CNTN5: variants seen among roughly 807,000 people sequenced by gnomAD.
CNTN5 encodes contactin-5.
In CNTN5, 77 loss-of-function variants were observed where a neutral mutation model predicts 129.1. The ratio of observed to expected loss-of-function variants is 0.60; its 90% confidence interval spans 0.50 to 0.72. CNTN5 has a LOEUF of 0.72. CNTN5 is among the 30% of genes least tolerant of loss of function. The probability of loss-of-function intolerance (pLI) is 0.00; values close to 1 mark genes in which losing one functional copy is unlikely to be tolerated. For missense variants in CNTN5, 1,478 were observed against 1,328.8 expected, an observed-to-expected ratio of 1.11 and a Z score of -1.75; for synonymous variants, 509 against 465.6, an observed-to-expected ratio of 1.09 and a Z score of -1.20.
rs773455557 is a variant in CNTN5, at chr11:99,916,084, G to T, written c.608G>T (p.Ser203Ile). ...YLGNFSGRTR[S>I]AVSVREGQGV... ...GGAAATTTTAGTGGCCGGACAAGAA[G>T]TGCAGTCTCTGTGAGGGAAGGCCAG... Residue 203 changes from serine to isoleucine, a missense_variant, in exon 7 of 25, where the codon AGT becomes ATT. Coordinates refer to ENST00000524871, the MANE Select transcript of CNTN5 (RefSeq NM_014361.4). The T allele has an allele frequency of 6.2e-7, 1 of 1,612,446 alleles. No individual in the cohort carries two copies. The highest frequency in any genetic ancestry group is 1.1e-5 in the South Asian group (1 of 90,870).
chr11:100,328,081 T>C (rs555485900), intron 21 of CNTN5, among the ~76,000 whole-genome samples: 1 of 152,162 alleles, frequency 6.6e-6, no homozygotes, highest in African/African-American at 2.4e-5. Context: ...CCAGGCATGA[T>C]AGCTCACACC....
intron 3 of CNTN5, among the ~76,000 whole-genome samples, chr11:99,813,870 C>G (rs937388397): frequency 5.3e-5 from 8 of 151,964 alleles, no homozygotes; most frequent in African/African-American, 1.9e-4. Flanking sequence ...TAATTTTTAT[C>G]TTTAAAGAGA....
chr11:100,074,675 T>C (rs1396196198), intron 13 of CNTN5, among the ~76,000 whole-genome samples: 1 of 152,218 alleles, frequency 6.6e-6, no homozygotes, highest in Non-Finnish European at 1.5e-5. Context: ...AAAACATATG[T>C]GAATCTTCTG....
intron 1 of CNTN5, among the ~76,000 whole-genome samples, chr11:99,282,838 G>T (rs117442426): frequency 6.6e-6 from 1 of 152,056 alleles, no homozygotes; most frequent in Admixed American, 6.6e-5. Flanking sequence ...AGTAATGTCA[G>T]ACCTGGGAGT....
chr11:99,088,851 G>T (rs1225361228), intron 1 of CNTN5, among the ~76,000 whole-genome samples: 1 of 152,142 alleles, frequency 6.6e-6, no homozygotes, highest in Non-Finnish European at 1.5e-5. Context: ...TTTTGCTTAA[G>T]TAAGGAAATC....
chr11:99,957,388 G>C (rs10894188), intron 8 of CNTN5, among the ~76,000 whole-genome samples: 36,395 of 151,950 alleles, frequency 0.24, 6,427 homozygotes, highest in African/African-American at 0.5. Context: ...TTTTATTTTA[G>C]CTGCCTTCAA....
intron 6 of CNTN5, among the ~76,000 whole-genome samples, chr11:99,846,228 G>A (rs1008912229): frequency 1.3e-5 from 2 of 151,276 alleles, no homozygotes; most frequent in African/African-American, 4.9e-5. Context: ...TGAGGCAGCA[G>A]GTGCCTGTAG....
intron 2 of CNTN5, among the ~76,000 whole-genome samples, chr11:99,380,314 TTTTA>T (rs1353425653): frequency 6.6e-5 from 10 of 152,174 alleles, no homozygotes; most frequent in Admixed American, 2.0e-4. Flanking sequence ...TTATTTACAG[TTTTA>T]TTTAACTGCC....
chr11:99,547,774 T>C (rs1443822232), intron 2 of CNTN5, among the ~76,000 whole-genome samples: 1 of 152,214 alleles, frequency 6.6e-6, no homozygotes, highest in Non-Finnish European at 1.5e-5. Flanking sequence ...AGGATATGAT[T>C]ATTATTGATT....
intron 1 of CNTN5, among the ~76,000 whole-genome samples, chr11:99,079,366 A>C (rs767367643): frequency 2.6e-5 from 4 of 152,168 alleles, no homozygotes; most frequent in Non-Finnish European, 5.9e-5. Flanking sequence ...AAAGAAATGG[A>C]ATTCCTGCCA....
At chr11:99,800,879 T>C (rs1384694097) in intron 3 of CNTN5, among the ~76,000 whole-genome samples, 1 of 152,126 alleles carries the variant, frequency 6.6e-6, no homozygotes, top group East Asian at 1.9e-4. Context: ...TTTATTCAAA[T>C]TGCCACTCTG....
chr11:99,907,061 CA>C (rs1281330709), intron 6 of CNTN5, among the ~76,000 whole-genome samples: 6 of 151,564 alleles, frequency 4.0e-5, no homozygotes, highest in Non-Finnish European at 5.9e-5. Context: ...TTAATCTTTT[CA>C]AAAAAACAGC....
intron 1 of CNTN5, among the ~76,000 whole-genome samples, chr11:99,233,318 C>G (rs529341104): frequency 8.5e-5 from 13 of 152,130 alleles, no homozygotes; most frequent in Non-Finnish European, 1.8e-4. Flanking sequence ...AGTGAAAATC[C>G]CATAACAAGG....
At chr11:99,619,199 A>G (rs1281483906) in intron 3 of CNTN5, among the ~76,000 whole-genome samples, 1 of 152,080 alleles carries the variant, frequency 6.6e-6, no homozygotes, top group Non-Finnish European at 1.5e-5. Flanking sequence ...AAAAATCAAA[A>G]AACTATATTA....
intron 3 of CNTN5, among the ~76,000 whole-genome samples, chr11:99,808,469 A>C (rs1183871136): frequency 6.6e-6 from 1 of 152,138 alleles, no homozygotes; most frequent in Non-Finnish European, 1.5e-5. Flanking sequence ...TTTTCTTTTG[A>C]TATCTTTTCT....
intron 2 of CNTN5, among the ~76,000 whole-genome samples, chr11:99,513,796 G>A (rs964818669): frequency 4.6e-5 from 7 of 152,044 alleles, no homozygotes; most frequent in Admixed American, 4.6e-4. Flanking sequence ...TCATGCAAGA[G>A]CTCTGATGGA....
At chr11:100,155,574 G>T (rs1947211948) in intron 13 of CNTN5, among the ~76,000 whole-genome samples, 1 of 152,100 alleles carries the variant, frequency 6.6e-6, no homozygotes, top group Non-Finnish European at 1.5e-5. Context: ...GTGGTAGCTT[G>T]ATGGGGATAG....
chr11:99,267,036 TA>T (rs899317176), intron 1 of CNTN5, among the ~76,000 whole-genome samples: 18 of 150,944 alleles, frequency 1.2e-4, no homozygotes, highest in Non-Finnish European at 1.8e-4. Context: ...GAGAAGGCTT[TA>T]AAAAAAAAGG....
At chr11:99,559,879 C>G (rs1265915895) in intron 3 of CNTN5, among the ~76,000 whole-genome samples, 2 of 152,034 alleles carry the variant, frequency 1.3e-5, no homozygotes, top group African/African-American at 2.4e-5. Flanking sequence ...GAATGAATTA[C>G]CAATACCAAA....
Sources: gnomAD v4.1 joint callset for allele counts (sites outside exome capture counted in the v4.1 genomes callset) on GRCh38, gnomAD v4.1.1 for gene constraint, MANE v1.5 for transcripts, NCBI Gene and HGNC (gene_info 2026-07-23, HGNC 2026-07-21) for gene names.